Variants in AOX1 observed in about 807,000 individuals in gnomAD.
AOX1 encodes aldehyde oxidase.
AOX1 carries 153 observed loss-of-function variants against 169.5 expected under a neutral mutation model. The observed-to-expected ratio is 0.90, with a 90% CI of 0.79 to 1.03. The LOEUF is 1.03. Ranked by LOEUF, AOX1 falls within the 50% of genes least tolerant of loss-of-function variation. The pLI is 0.00. For synonymous variants in AOX1, 562 were observed against 581.9 expected, an observed-to-expected ratio of 0.97 and a Z score of 0.49; for missense variants, 1,656 against 1,663.9, an observed-to-expected ratio of 1.00 and a Z score of 0.08.
In AOX1 at chr2:200,668,677, C is replaced by G; in HGVS notation, c.3672C>G (p.Pro1224=). 1 of 1,614,114 alleles carries G rather than the reference C, an allele frequency of 6.2e-7. No individual in the cohort carries two copies. Among genetic ancestry groups the G allele is most frequent in the Non-Finnish European group, 8.5e-7 (1 of 1,180,014 alleles). ...LYTIEELNYS[P]QGILHTRGPD... is the part of the protein sequence containing the mutation. ...CAATAGAGGAACTGAATTATTCTCC[C>G]CAGGGCATTCTGCACACTCGTGGTC... Residue 1224 remains proline, a synonymous_variant, in exon 33 of 35, where the codon CCC becomes CCG. Transcript: ENST00000374700.
chr2:200,626,106 A>G (rs1476542734), intron 19 of AOX1, among the ~76,000 whole-genome samples: 1 of 152,228 alleles, frequency 6.6e-6, no homozygotes, highest in African/African-American at 2.4e-5. Context: ...AGTTTCACAC[A>G]TTAACTTACT....
intron 8 of AOX1, 53 bp from the exon 9 acceptor site, chr2:200,604,643 C>G (rs2034477584): frequency 6.3e-7 from 1 of 1,590,956 alleles, no homozygotes; most frequent in East Asian, 2.2e-5. Flanking sequence ...TGAGTGGAAA[C>G]AGGTGGAGAT....
intron 30 of AOX1, among the ~76,000 whole-genome samples, chr2:200,662,011 G>A (rs2035837652): frequency 2.6e-5 from 4 of 152,000 alleles, no homozygotes; most frequent in Admixed American, 2.6e-4. Context: ...CCATAAGATG[G>A]GTACCATTTT....
intron 2 of AOX1, among the ~76,000 whole-genome samples, chr2:200,594,809 G>A (rs1306278110): frequency 6.6e-6 from 1 of 152,146 alleles, no homozygotes; most frequent in African/African-American, 2.4e-5. Context: ...AGATATTAGG[G>A]AACAGATGGC....
At chr2:200,665,927 G>A (rs1046731413) in intron 31 of AOX1, among the ~76,000 whole-genome samples, 7 of 152,150 alleles carry the variant, frequency 4.6e-5, no homozygotes, top group African/African-American at 1.7e-4. Context: ...AAACATTCCA[G>A]ATCATTATCT....
At chr2:200,602,125 C>G (rs1418620472) in intron 5 of AOX1, among the ~76,000 whole-genome samples, 159 bp from the exon 6 acceptor site, 3 of 151,732 alleles carry the variant, frequency 2.0e-5, no homozygotes, top group African/African-American at 7.3e-5. Flanking sequence ...TGAAATATCC[C>G]AAGTTGCTGT....
At chr2:200,654,206 C>CAAAAAAA (rs60045401) in intron 26 of AOX1, among the ~76,000 whole-genome samples, 31 of 84,764 alleles carry the variant, frequency 3.7e-4, no homozygotes, top group African/African-American at 1.1e-3. Context: ...GACCCTGTCT[C>CAAAAAAA]AAAAAAAAAA....
chr2:200,631,056 A>G (rs1559246590), intron 20 of AOX1, among the ~76,000 whole-genome samples: 1 of 152,220 alleles, frequency 6.6e-6, no homozygotes, highest in Non-Finnish European at 1.5e-5. Context: ...AAAATATTTA[A>G]AAGATAAAAT....
intron 29 of AOX1, among the ~76,000 whole-genome samples, chr2:200,660,695 G>A (rs925050666): frequency 7.9e-5 from 12 of 152,198 alleles, no homozygotes; most frequent in Non-Finnish European, 1.2e-4. Context: ...CATGTGTCAC[G>A]CTGGCTATTC....
chr2:200,623,661 A>G (rs1278170693), intron 18 of AOX1, among the ~76,000 whole-genome samples, 200 bp from the exon 19 acceptor site: 1 of 152,210 alleles, frequency 6.6e-6, no homozygotes, highest in Non-Finnish European at 1.5e-5. Flanking sequence ...GATACAGCAC[A>G]AGGATCTAAA....
intron 25 of AOX1, among the ~76,000 whole-genome samples, chr2:200,648,933 A>T (rs1237880053): frequency 6.6e-6 from 1 of 152,026 alleles, no homozygotes; most frequent in Non-Finnish European, 1.5e-5. Flanking sequence ...TCTCACTCCC[A>T]ATGTGTACCC....
At chr2:200,596,169 G>A (rs1428187398) in intron 3 of AOX1, among the ~76,000 whole-genome samples, 2 of 152,220 alleles carry the variant, frequency 1.3e-5, no homozygotes, top group African/African-American at 4.8e-5. Flanking sequence ...TCTGAGCACT[G>A]GTGAGGTTTC....
At position 200,658,098 on chromosome 2, in the gene AOX1, C is replaced by T. The variant is rs187611684; in HGVS notation, c.3172-1067C>T. 2.2e-4 allele frequency among the ~76,000 whole-genome samples: 34 copies of T among 152,304 alleles called. 1 individual carries two copies. In the East Asian group the frequency reaches 6.4e-3, roughly 29 times the overall value. ...TTCAGTGAATATTTTTGTACACTAA[C>T]CTGTGATCAAATCATTGATTGTTTC... On this transcript the variant is annotated intron_variant, in intron 27 of 34. Transcript: ENST00000374700.
intron 10 of AOX1, among the ~76,000 whole-genome samples, chr2:200,607,697 G>A (rs2034544284): frequency 6.6e-6 from 1 of 152,106 alleles, no homozygotes. Flanking sequence ...ATTTACAATA[G>A]CAAAGACTTG....
Position 200,670,946 on chromosome 2 carries a change from T to G in AOX1, c.*267T>G, listed in dbSNP as rs1236687186. 2.9e-5 allele frequency: 11 copies of G among 376,806 alleles called. No homozygotes were observed. The highest frequency in any genetic ancestry group is 5.2e-5 in the Non-Finnish European group (11 of 210,414). 23.3% of individuals were successfully genotyped at this position (376,806 alleles called of 1,614,324 possible). On this transcript the variant is annotated 3_prime_UTR_variant, in exon 35 of 35. Coordinates refer to ENST00000374700, the MANE Select transcript of AOX1 (RefSeq NM_001159.4). The stretch of plus-strand genomic sequence containing the variant: ...ATCCGTCATTACTCTGTCTCTTCAA[T>G]CCATCCAGCTAAATGGAATAGGTGA...
chr2:200,666,646 T>C, intron 31 of AOX1, 41 bp from the exon 32 acceptor site: 1 of 1,475,044 alleles, frequency 6.8e-7, no homozygotes, highest in Non-Finnish European at 9.3e-7. Context: ...CCCTAAGTTA[T>C]TCTCATTAAA....
rs890663691 is a variant in AOX1, at chr2:200,669,762, A to G, written c.3966+20A>G. The G allele has an allele frequency of 2.5e-6, 4 of 1,605,330 alleles. No individual in the cohort carries two copies. The highest frequency in any genetic ancestry group is 3.4e-6 in the Non-Finnish European group (4 of 1,176,004). ...AAAATGGTACGTTTGCATGGTAGAA[A>G]AAAAATAGTGATCATAAAATTCTGA... On this transcript the variant is annotated intron_variant, in intron 34 of 34. Transcript: ENST00000374700.
rs541896430 is a variant in AOX1 at position 200,597,339 on chromosome 2, C to T, written c.201-58C>T. ...GGAGAAGCTCAGTGAATGCCTGGCC[C>T]CTTTCCCACTGTATGCGACATAATT... On this transcript the variant is annotated intron_variant, in intron 3 of 34. Transcript: ENST00000374700. 32 of 1,278,966 alleles carry T rather than the reference C, an allele frequency of 2.5e-5. No homozygotes were observed. The Admixed American group carries it at 5.0e-4, about 20-fold the overall frequency. 79.2% of individuals were successfully genotyped at this position (1,278,966 alleles called of 1,614,324 possible).
intron 25 of AOX1, 133 bp from the exon 26 acceptor site, chr2:200,650,841 C>T (rs1462843761): frequency 4.3e-6 from 3 of 703,158 alleles, no homozygotes; most frequent in Admixed American, 2.7e-5. Flanking sequence ...TTAGGAAAGG[C>T]TTCCACAAGG....
Sources: allele counts gnomAD v4.1 joint callset (sites outside exome capture counted in the v4.1 genomes callset), GRCh38; gene constraint gnomAD v4.1.1; transcripts MANE v1.5; gene names NCBI Gene and HGNC (gene_info 2026-07-23, HGNC 2026-07-21).